OCIAD1: variants seen among roughly 807,000 people sequenced by gnomAD.
The protein encoded by OCIAD1 is OCIA domain-containing protein 1.
A neutral mutation model predicts 38.9 loss-of-function variants in OCIAD1; 29 were observed. The observed-to-expected ratio is 0.74, with a 90% confidence interval of 0.55 to 1.02. OCIAD1 has a LOEUF of 1.02. Ranked by LOEUF, OCIAD1 falls within the 50% of genes least tolerant of loss-of-function variation. The pLI, the probability that OCIAD1 is intolerant of heterozygous loss-of-function variation, is 0.00. For missense variants in OCIAD1, 288 were observed against 289.6 expected (o/e 0.99, Z 0.04); for synonymous variants, 110 against 92.0 (o/e 1.20, Z -1.12).
At chr4:48,829,911 G>A (rs1367047992), upstream of OCIAD1, among the ~76,000 whole-genome samples, 1 of 152,228 alleles carries the variant, frequency 6.6e-6, no homozygotes, top group Non-Finnish European at 1.5e-5. Context: ...TGCAGTGACA[G>A]CAGTATGGAC....
chr4:48,835,638 T>C (rs189859818), intron 3 of OCIAD1, among the ~76,000 whole-genome samples: 2 of 152,276 alleles, frequency 1.3e-5, no homozygotes, highest in East Asian at 3.9e-4. Context: ...TTTTGCCATG[T>C]TGCCCAGGCT....
Position 48,857,336 on chromosome 4 carries a change from C to CTA in OCIAD1, c.673_674dup (p.Met225IlefsTer13). 6.3e-7 allele frequency: 1 copy of CTA among 1,580,934 alleles called. No homozygotes were observed. The highest frequency in any genetic ancestry group is 2.3e-5 in the East Asian group (1 of 43,530). On this transcript the variant is annotated frameshift_variant, in exon 8 of 9. Transcript: ENST00000264312. LOFTEE classifies it high-confidence loss of function. ...CAAAAGACTGACCCCTCAGTCAGGCCTATGCATGAAAGAGTGCCAAAAAAA... is the reference window on the plus strand; with the variant it reads ...CAAAAGACTGACCCCTCAGTCAGGCCTATATGCATGAAAGAGTGCCAAAAAAA...
intron 6 of OCIAD1, among the ~76,000 whole-genome samples, chr4:48,851,086 T>C (rs1319847763): frequency 6.6e-6 from 1 of 152,238 alleles, no homozygotes; most frequent in East Asian, 1.9e-4. Flanking sequence ...ATAATCCCCA[T>C]GAGAGAGAAT....
intron 7 of OCIAD1, among the ~76,000 whole-genome samples, chr4:48,855,696 A>G (rs1270958293): frequency 6.6e-6 from 1 of 152,166 alleles, no homozygotes; most frequent in East Asian, 1.9e-4. Context: ...CATGCCTATA[A>G]TCCCAGCTAC....
chr4:48,830,520 T>C (rs1303745506), upstream of OCIAD1: 1 of 152,164 alleles, frequency 6.6e-6, no homozygotes, highest in Non-Finnish European at 1.5e-5. Context: ...CCCTCATTAA[T>C]AGACAGTGAT....
intron 4 of OCIAD1, among the ~76,000 whole-genome samples, chr4:48,847,225 A>G (rs1361550354): frequency 6.6e-6 from 1 of 152,116 alleles, no homozygotes; most frequent in East Asian, 1.9e-4. Context: ...ATTTGTTTAT[A>G]CTTCATTTCA....
chr4:48,843,204 C>T (rs1778688033), intron 4 of OCIAD1, among the ~76,000 whole-genome samples: 1 of 152,130 alleles, frequency 6.6e-6, no homozygotes, highest in South Asian at 2.1e-4. Flanking sequence ...ACCGAGGAGA[C>T]TTTCTTGTCC....
chr4:48,811,971 A>G (rs1777093258), intron 1 of OCIAD1, among the ~76,000 whole-genome samples: 1 of 152,118 alleles, frequency 6.6e-6, no homozygotes, highest in African/African-American at 2.4e-5. Context: ...GAAGTTCCAG[A>G]GAGAGGTCTA....
At chr4:48,845,537 A>G (rs1306463769) in intron 4 of OCIAD1, among the ~76,000 whole-genome samples, 2 of 152,106 alleles carry the variant, frequency 1.3e-5, no homozygotes, top group African/African-American at 2.4e-5. Flanking sequence ...ATACATTGTT[A>G]TATAGCACTA....
chr4:48,855,498 A>T (rs970440110), intron 7 of OCIAD1, among the ~76,000 whole-genome samples: 3 of 152,206 alleles, frequency 2.0e-5, no homozygotes, highest in African/African-American at 7.2e-5. Context: ...AGTATAGTAT[A>T]TATTTATTTA....
chr4:48,840,610 G>T (rs1778424671), intron 3 of OCIAD1, among the ~76,000 whole-genome samples: 1 of 152,106 alleles, frequency 6.6e-6, no homozygotes, highest in Non-Finnish European at 1.5e-5. Context: ...TTCTTAAATT[G>T]TCCATATATG....
chr4:48,852,981 C>G (rs1321477211), intron 7 of OCIAD1, among the ~76,000 whole-genome samples: 1 of 150,240 alleles, frequency 6.7e-6, no homozygotes, highest in East Asian at 2.0e-4. Flanking sequence ...CCCCCAGCTT[C>G]ACGCCATTCT....
upstream of OCIAD1, among the ~76,000 whole-genome samples, chr4:48,826,293 T>A (rs1408963698): frequency 6.6e-6 from 1 of 152,140 alleles, no homozygotes; most frequent in Non-Finnish European, 1.5e-5. Flanking sequence ...CCTAATGCGA[T>A]CCCTCCTCCC....
intron 1 of OCIAD1, among the ~76,000 whole-genome samples, chr4:48,809,089 G>GT (rs1405739792): frequency 6.6e-6 from 1 of 152,100 alleles, no homozygotes; most frequent in East Asian, 1.9e-4. Flanking sequence ...AACAGCCTTA[G>GT]TTAATATAGC....
intron 3 of OCIAD1, among the ~76,000 whole-genome samples, chr4:48,841,243 T>C (rs1247077761): frequency 1.3e-4 from 20 of 152,342 alleles, no homozygotes; most frequent in Admixed American, 1.2e-3. Flanking sequence ...ACCATCTGGC[T>C]CTTCATAGAA....
chr4:48,833,220 C>A (rs368982738), intron 2 of OCIAD1, among the ~76,000 whole-genome samples, 181 bp from the exon 3 acceptor site: 1 of 152,106 alleles, frequency 6.6e-6, no homozygotes, highest in South Asian at 2.1e-4. Flanking sequence ...CCATTGCACT[C>A]CAGCCTGGGC....
chr4:48,831,433 T>C (rs1579044921), intron 1 of OCIAD1, 184 bp downstream of exon 1: 2 of 1,200,584 alleles, frequency 1.7e-6, no homozygotes, highest in Non-Finnish European at 2.2e-6. Context: ...CTTCTGGGGG[T>C]GTGAGCTGGG....
chr4:48,842,763 A>G (rs1180996726), intron 4 of OCIAD1, 74 bp downstream of exon 4: 2 of 798,872 alleles, frequency 2.5e-6, no homozygotes, highest in African/African-American at 3.6e-5. Context: ...CCAGGTCTTT[A>G]GAAAAAGTAA....
intron 3 of OCIAD1, among the ~76,000 whole-genome samples, chr4:48,840,558 A>G (rs1161992485): frequency 6.6e-6 from 1 of 152,238 alleles, no homozygotes; most frequent in African/African-American, 2.4e-5. Context: ...ATGGATTTTA[A>G]TCATGAAATC....
Sources: allele counts gnomAD v4.1 joint callset (sites outside exome capture counted in the v4.1 genomes callset), GRCh38; gene constraint gnomAD v4.1.1; transcripts MANE v1.5; gene names NCBI Gene and HGNC (gene_info 2026-07-23, HGNC 2026-07-21).